Variants in UIMC1 observed in about 807,000 individuals in gnomAD.
UIMC1 encodes the protein ubiquitin interaction motif containing 1, also known as BRCA1-A complex subunit RAP80.
In UIMC1, 42 loss-of-function variants were observed where a neutral mutation model predicts 84.9. The observed-to-expected ratio is 0.49, with a 90% CI of 0.39 to 0.64. The LOEUF (loss-of-function observed/expected upper bound fraction) is 0.64. Among genes scored for constraint, UIMC1 ranks in the 30% least tolerant of loss-of-function variants. The probability of loss-of-function intolerance (pLI) is 0.00; values close to 1 mark genes in which losing one functional copy is unlikely to be tolerated. For missense variants in UIMC1, 825 were observed against 847.6 expected (o/e 0.97, Z 0.33); for synonymous variants, 281 against 293.0 (o/e 0.96, Z 0.42).
Position 176,988,552 on chromosome 5 carries a change from GGTTTA to G in UIMC1, c.-8-5934_-8-5930del, listed in dbSNP as rs547621707. Among the ~76,000 whole-genome samples the G allele has an allele frequency of 1.4e-4, 21 of 152,126 alleles. No individual in the cohort carries two copies. The South Asian group carries it at 4.4e-3, about 32-fold the overall frequency. On this transcript the variant is annotated intron_variant, in intron 1 of 14. Transcript: ENST00000511320. ...TACAATGACTGCTTAATGGATATAA[GGTTTA>G]TTTTGGGGATGATAGAAATGTTCTG... is the stretch of plus-strand genomic sequence containing the variant.
intron 10 of UIMC1, among the ~76,000 whole-genome samples, chr5:176,937,956 C>A (rs1158554164): frequency 6.6e-6 from 1 of 151,964 alleles, no homozygotes; most frequent in African/African-American, 2.4e-5. Flanking sequence ...TTTGGGAGGC[C>A]AACGCAGGAG....
intron 2 of UIMC1, among the ~76,000 whole-genome samples, chr5:176,981,280 G>C (rs1017068090): frequency 6.6e-6 from 1 of 151,802 alleles, no homozygotes; most frequent in African/African-American, 2.4e-5. Flanking sequence ...AAGTAGCTGG[G>C]ACTACAGGCA....
chr5:177,005,736 A>G (rs945050076), intron 1 of UIMC1, among the ~76,000 whole-genome samples: 1 of 151,932 alleles, frequency 6.6e-6, no homozygotes, highest in Non-Finnish European at 1.5e-5. Flanking sequence ...ATAAAGACAG[A>G]AGCATAAACT....
chr5:177,006,054 C>T (rs1442967089), intron 1 of UIMC1, among the ~76,000 whole-genome samples: 1 of 152,204 alleles, frequency 6.6e-6, no homozygotes, highest in African/African-American at 2.4e-5. Context: ...GATCACACAA[C>T]AAAACAGCAA....
intron 9 of UIMC1, among the ~76,000 whole-genome samples, chr5:176,950,994 T>C (rs1765817433): frequency 6.6e-6 from 1 of 152,050 alleles, no homozygotes; most frequent in South Asian, 2.1e-4. Flanking sequence ...ATGATGCAAA[T>C]AGATTTATTT....
At position 176,951,465 on chromosome 5, in the gene UIMC1, A is replaced by C; in HGVS notation, c.1443+9T>G. ...ACCACTGAGAAAAAATATAGAGGAA[A>C]ATATTCACCTCCTTATCTGCCATTA... On this transcript the variant is annotated intron_variant, in intron 9 of 14. Coordinates refer to ENST00000511320, the MANE Select transcript of UIMC1 (RefSeq NM_001199298.2). 5.3e-6 allele frequency: 8 copies of C among 1,501,074 alleles called. No individual in the cohort carries two copies. Among genetic ancestry groups the C allele is most frequent in the Non-Finnish European group, 7.1e-6 (8 of 1,123,688 alleles). 93.0% of individuals were successfully genotyped at this position (1,501,074 alleles called of 1,614,324 possible).
At chr5:176,921,391 T>C (rs1761689819) in intron 10 of UIMC1, among the ~76,000 whole-genome samples, 1 of 152,222 alleles carries the variant, frequency 6.6e-6, no homozygotes, top group Non-Finnish European at 1.5e-5. Flanking sequence ...TGCAGTAATA[T>C]TTCCCATAAG....
chr5:176,961,780 T>C (rs1310665355), intron 6 of UIMC1, among the ~76,000 whole-genome samples: 21 of 1,344 alleles, frequency 0.016, no homozygotes, highest in Admixed American at 0.036. Context: ...GGGTCAGCCC[T>C]CCGCCCGGCC....
At chr5:177,022,513 A>C in exon 1 of UIMC1, 1 of 498,622 alleles carries the variant, frequency 2.0e-6, no homozygotes. Context: ...CCTCTCCGGG[A>C]GGGGGGGGTC....
At chr5:176,957,970 TCACTTATAA>T (rs1766819118) in intron 7 of UIMC1, 114 bp downstream of exon 7, 1 of 750,008 alleles carries the variant, frequency 1.3e-6, no homozygotes, top group Non-Finnish European at 2.0e-6. Flanking sequence ...CTCCTAGTCT[TCACTTATAA>T]AAGAGCTAAA....
chr5:176,911,537 G>T, intron 10 of UIMC1, 148 bp from the exon 11 acceptor site: 2 of 439,342 alleles, frequency 4.6e-6, no homozygotes, highest in Admixed American at 4.2e-5. Context: ...AATCTTTCTA[G>T]AATTGAGAAT....
At chr5:176,997,585 T>G (rs1353306213) in intron 1 of UIMC1, among the ~76,000 whole-genome samples, 1 of 149,414 alleles carries the variant, frequency 6.7e-6, no homozygotes, top group Non-Finnish European at 1.5e-5. Context: ...CTGAGGAGGC[T>G]GAGGCAGGAG....
chr5:176,924,236 T>C (rs988119143), intron 10 of UIMC1, among the ~76,000 whole-genome samples: 1 of 151,556 alleles, frequency 6.6e-6, no homozygotes, highest in African/African-American at 2.4e-5. Flanking sequence ...GAGAATCGCT[T>C]GAACCTGGGA....
At chr5:176,927,489 A>C (rs1425816430) in intron 10 of UIMC1, among the ~76,000 whole-genome samples, 3 of 152,058 alleles carry the variant, frequency 2.0e-5, no homozygotes, top group Non-Finnish European at 4.4e-5. Context: ...CCTGACCGCA[A>C]GTGATTCACC....
intron 9 of UIMC1, among the ~76,000 whole-genome samples, chr5:176,946,884 G>C (rs1765189386): frequency 6.6e-6 from 1 of 152,152 alleles, no homozygotes; most frequent in African/African-American, 2.4e-5. Context: ...GGATGGCAGG[G>C]GGGTAAAGGG....
At chr5:177,010,802 G>A (rs929712835), upstream of UIMC1, among the ~76,000 whole-genome samples, 6 of 152,060 alleles carry the variant, frequency 3.9e-5, no homozygotes, top group African/African-American at 1.2e-4. Flanking sequence ...AACCGGGTCC[G>A]GCCAGAGGAT....
At chr5:176,977,178 G>A (rs1174051019) in intron 2 of UIMC1, among the ~76,000 whole-genome samples, 16 of 148,626 alleles carry the variant, frequency 1.1e-4, no homozygotes, top group Non-Finnish European at 1.8e-4. Flanking sequence ...AGCCAAGATC[G>A]CGCCACTGCT....
Position 176,907,176 on chromosome 5 carries a change from T to G in UIMC1, c.1850A>C (p.Glu617Ala), listed in dbSNP as rs1332911850. Residue 617 changes from glutamate to alanine, a missense_variant and splice_region_variant, in exon 13 of 15, where the codon GAA (glutamate) becomes GCA (alanine). Transcript: ENST00000511320. ...GAGTCGGCCTTCACTGTGGCCTTTT[T>G]CCTGTAACAGAGAAAAACAGATGAA... ...KWQQRLKNPK[E>A]KGHSEGRLLS... 5 of 1,613,266 alleles carry G rather than the reference T, an allele frequency of 3.1e-6. No homozygotes were observed. In the South Asian group the frequency reaches 5.5e-5, roughly 18 times the overall value.
chr5:176,921,646 C>T (rs1238738725), intron 10 of UIMC1, among the ~76,000 whole-genome samples: 1 of 152,208 alleles, frequency 6.6e-6, no homozygotes, highest in Non-Finnish European at 1.5e-5. Context: ...GTTCAACCTT[C>T]AAAACATTCC....
Sources: allele counts gnomAD v4.1 joint callset (sites outside exome capture counted in the v4.1 genomes callset), GRCh38; gene constraint gnomAD v4.1.1; transcripts MANE v1.5; gene names NCBI Gene and HGNC (gene_info 2026-07-23, HGNC 2026-07-21).